HIBCH: variants seen among roughly 807,000 people sequenced by gnomAD.
The protein encoded by HIBCH is 3-hydroxyisobutyryl-CoA hydrolase.
HIBCH carries 50 observed loss-of-function variants against 58.2 expected under a neutral mutation model. That is an observed-to-expected ratio of 0.86 (90% CI 0.68 to 1.09). The LOEUF (loss-of-function observed/expected upper bound fraction) is 1.09. Ranked by LOEUF, HIBCH falls within the 50% of genes least tolerant of loss-of-function variation. HIBCH has a pLI of 0.00. For missense variants in HIBCH, 450 were observed against 449.7 expected (o/e 1.00, Z -0.01); for synonymous variants, 151 against 146.9 (o/e 1.03, Z -0.20).
rs1412693132 is a variant in HIBCH, at chr2:190,212,548, T to A, written c.1011+408A>T. Among the ~76,000 whole-genome samples the A allele has an allele frequency of 2.0e-5, 3 of 152,204 alleles. No homozygotes were observed. The East Asian group carries it at 5.8e-4, about 29-fold the overall frequency. ...TCATTATTTTAAACACGTAACAGAC[T>A]AATAACTTCCATTTGTGCATTTACT... On this transcript the variant is annotated intron_variant, in intron 12 of 13. Transcript: ENST00000359678.
Position 190,204,220 on chromosome 2 carries a change from T to A in HIBCH, c.*897A>T, listed in dbSNP as rs1426313546. On this transcript the variant is annotated 3_prime_UTR_variant, in exon 14 of 14. Coordinates refer to ENST00000359678, the MANE Select transcript of HIBCH (RefSeq NM_014362.4). Reference sequence around the variant, plus strand: ...TATATCTTTTGAACAAAAGTCTTCTTGCTTTCAATTAATTTTTTTCTCCTG... The same window carrying A: ...TATATCTTTTGAACAAAAGTCTTCTAGCTTTCAATTAATTTTTTTCTCCTG... The A allele has an allele frequency of 1.3e-5, 2 of 152,082 alleles. No individual in the cohort carries two copies. Among genetic ancestry groups the A allele is most frequent in the Non-Finnish European group, 2.9e-5 (2 of 67,938 alleles). The allele number at this position is 152,082 out of a possible 1,614,324, so 9.4% of individuals were successfully genotyped here.
In HIBCH at chr2:190,233,422, T is replaced by C. The variant is rs141611509; in HGVS notation, c.891+11465A>G. Among the ~76,000 whole-genome samples the C allele has an allele frequency of 6.7e-3, 1,019 of 152,292 alleles. 13 individuals carry two copies. Among genetic ancestry groups the C allele is most frequent in the African/African-American group, 0.022 (924 of 41,554 alleles). On this transcript the variant is annotated intron_variant, in intron 11 of 13. Coordinates refer to ENST00000359678, the MANE Select transcript of HIBCH (RefSeq NM_014362.4). ...GATCTTTCCCATGCCGTTCTCATGATAGTGAATAAGTCTCACAAGATCTGA... is the reference window on the plus strand; with the variant it reads ...GATCTTTCCCATGCCGTTCTCATGACAGTGAATAAGTCTCACAAGATCTGA...
At chr2:190,308,733 G>A (rs555026717) in intron 2 of HIBCH, among the ~76,000 whole-genome samples, 1 of 152,222 alleles carries the variant, frequency 6.6e-6, no homozygotes, top group Non-Finnish European at 1.5e-5. Context: ...CTCAGTTTTA[G>A]GTATTCTGTT....
chr2:190,208,418 A>C (rs1690443615), intron 13 of HIBCH, among the ~76,000 whole-genome samples: 1 of 152,230 alleles, frequency 6.6e-6, no homozygotes, highest in African/African-American at 2.4e-5. Context: ...TATCAGATGC[A>C]GTCCATGATT....
At chr2:190,199,707 C>T, downstream of HIBCH, 1 of 1,458,306 alleles carries the variant, frequency 6.9e-7, no homozygotes, top group South Asian at 1.5e-5. Context: ...GTAAACACTA[C>T]ACGTGAAGAG....
chr2:190,296,358 T>C (rs544822725), intron 3 of HIBCH, among the ~76,000 whole-genome samples: 1 of 149,826 alleles, frequency 6.7e-6, no homozygotes, highest in East Asian at 2.0e-4. Context: ...AGGTGGAGCT[T>C]GCAGTGAGCC....
rs1031160104 is a variant in HIBCH, at chr2:190,203,975, T to C, written c.*1142A>G. 6.6e-6 allele frequency: 1 copy of C among 152,068 alleles called. No individual in the cohort carries two copies. Among genetic ancestry groups the C allele is most frequent in the Non-Finnish European group, 1.5e-5 (1 of 67,926 alleles). 9.4% of individuals were successfully genotyped at this position (152,068 alleles called of 1,614,324 possible). On this transcript the variant is annotated 3_prime_UTR_variant, in exon 14 of 14. Transcript: ENST00000359678. Reference sequence around the variant, plus strand: ...AACAAAAATTACAAACAAAAAATTATAAATTTTGTTTGTTAATTTATAAAC... The same window carrying C: ...AACAAAAATTACAAACAAAAAATTACAAATTTTGTTTGTTAATTTATAAAC...
At chr2:190,275,700 T>C (rs1687530478) in intron 6 of HIBCH, among the ~76,000 whole-genome samples, 1 of 152,232 alleles carries the variant, frequency 6.6e-6, no homozygotes, top group South Asian at 2.1e-4. Context: ...GATAACTCTT[T>C]TAAAGAAGGC....
chr2:190,238,151 C>T (rs1202382887), intron 11 of HIBCH, among the ~76,000 whole-genome samples: 7 of 152,094 alleles, frequency 4.6e-5, no homozygotes. Flanking sequence ...TGTGTCTTTA[C>T]AGTAGAATGA....
chr2:190,208,668 A>ATTTTT (rs10650285), intron 13 of HIBCH: 113 of 463,400 alleles, frequency 2.4e-4, no homozygotes, highest in African/African-American at 1.2e-3. Context: ...TTCAGGTTTG[A>ATTTTT]TTTTTTTTTT....
chr2:190,252,422 C>G (rs1473991548), intron 7 of HIBCH, 115 bp from the exon 8 acceptor site: 1 of 865,460 alleles, frequency 1.2e-6, no homozygotes, highest in Non-Finnish European at 1.9e-6. Context: ...ATATACATTA[C>G]AAACATTATT....
intron 8 of HIBCH, chr2:190,251,481 A>T: frequency 2.4e-6 from 1 of 418,914 alleles, no homozygotes; most frequent in Admixed American, 2.9e-5. Flanking sequence ...ATTCTGAGGC[A>T]AAACTACCTT....
chr2:190,234,557 A>C (rs1346464606), intron 11 of HIBCH, among the ~76,000 whole-genome samples: 2 of 152,156 alleles, frequency 1.3e-5, no homozygotes, highest in Non-Finnish European at 2.9e-5. Flanking sequence ...AAAATGATAC[A>C]ATTTCATTTA....
At chr2:190,288,142 G>T (rs1687876010) in intron 5 of HIBCH, among the ~76,000 whole-genome samples, 1 of 125,548 alleles carries the variant, frequency 8.0e-6, no homozygotes, top group African/African-American at 3.1e-5. Flanking sequence ...CTGGGCAACA[G>T]ACCAAGACCC....
At chr2:190,318,553 C>T (rs1157002562) in intron 1 of HIBCH, among the ~76,000 whole-genome samples, 1 of 152,148 alleles carries the variant, frequency 6.6e-6, no homozygotes, top group Non-Finnish European at 1.5e-5. Flanking sequence ...CAGATCAAAG[C>T]CCCCAAAATG....
intron 2 of HIBCH, among the ~76,000 whole-genome samples, chr2:190,299,431 G>A (rs1023528426): frequency 3.9e-5 from 6 of 151,908 alleles, no homozygotes; most frequent in South Asian, 2.1e-4. Context: ...TTTCTCTAAC[G>A]AAAAATTCAA....
chr2:190,289,812 T>C (rs1478077058), intron 5 of HIBCH, among the ~76,000 whole-genome samples: 5 of 152,210 alleles, frequency 3.3e-5, no homozygotes, highest in Admixed American at 6.5e-5. Flanking sequence ...CTTCATTTCA[T>C]AGAGAAAACT....
At chr2:190,255,517 C>T (rs1686894200) in intron 7 of HIBCH, among the ~76,000 whole-genome samples, 1 of 152,192 alleles carries the variant, frequency 6.6e-6, no homozygotes, top group East Asian at 1.9e-4. Flanking sequence ...ATCCCCCTAC[C>T]TGAAACAACT....
intron 3 of HIBCH, among the ~76,000 whole-genome samples, chr2:190,295,387 T>C (rs1688077604): frequency 6.6e-6 from 1 of 152,208 alleles, no homozygotes; most frequent in African/African-American, 2.4e-5. Flanking sequence ...CATATCCACC[T>C]TATACACATA....
Sources: allele counts gnomAD v4.1 joint callset (sites outside exome capture counted in the v4.1 genomes callset), GRCh38; gene constraint gnomAD v4.1.1; transcripts MANE v1.5; gene names NCBI Gene and HGNC (gene_info 2026-07-23, HGNC 2026-07-21).